The following FNDC3B variants were observed in gnomAD, a reference collection of about 807,000 sequenced individuals.
FNDC3B encodes fibronectin type III domain-containing protein 3B.
FNDC3B carries 12 observed loss-of-function variants against 151.5 expected under a neutral mutation model. The observed-to-expected ratio is 0.08, with a 90% CI of 0.05 to 0.13. The LOEUF is 0.13. Among genes scored for constraint, FNDC3B ranks in the 10% least tolerant of loss-of-function variants. FNDC3B has a pLI of 1.00. For missense variants in FNDC3B, 1,214 were observed against 1,505.3 expected, an observed-to-expected ratio of 0.81 and a Z score of 3.20; for synonymous variants, 528 against 549.0, an observed-to-expected ratio of 0.96 and a Z score of 0.54.
chr3:172,337,251 A>G (rs1168508181), intron 15 of FNDC3B, 79 bp from the exon 16 acceptor site: 5 of 986,148 alleles, frequency 5.1e-6, no homozygotes, highest in Admixed American at 3.9e-5. Context: ...ATGGTGTGTG[A>G]TTTTATGAGT....
At chr3:172,140,495 C>T (rs528255267) in intron 3 of FNDC3B, among the ~76,000 whole-genome samples, 10 of 152,286 alleles carry the variant, frequency 6.6e-5, no homozygotes, top group African/African-American at 2.2e-4. Context: ...TGGACTGATG[C>T]ACAGCTATTT....
At position 172,348,761 on chromosome 3, in the gene FNDC3B, T is replaced by G. The variant is rs376795466; in HGVS notation, c.2514+1400T>G. ...TCTTGCCTCGTTGTATTAACAGGAG[T>G]AGAAATATATTTTCAAAGGTCTGTG... On this transcript the variant is annotated intron_variant, in intron 21 of 25. Transcript: ENST00000415807. 2.3e-3 allele frequency among the ~76,000 whole-genome samples: 346 copies of G among 152,028 alleles called. 1 individual carries two copies. Among genetic ancestry groups the G allele is most frequent in the African/African-American group, 8.1e-3 (335 of 41,442 alleles).
intron 6 of FNDC3B, among the ~76,000 whole-genome samples, chr3:172,267,327 T>C (rs1332304298): frequency 6.6e-6 from 1 of 152,064 alleles, no homozygotes; most frequent in Non-Finnish European, 1.5e-5. Flanking sequence ...GGCTAATTTT[T>C]GTATTTTTTG....
chr3:172,244,327 T>C (rs1353703327), intron 4 of FNDC3B, among the ~76,000 whole-genome samples: 4 of 152,224 alleles, frequency 2.6e-5, no homozygotes, highest in African/African-American at 9.6e-5. Context: ...TCAGGTGTTT[T>C]GGACTGAATT....
chr3:172,064,020 A>G (rs751392528), intron 1 of FNDC3B, among the ~76,000 whole-genome samples: 2 of 152,186 alleles, frequency 1.3e-5, no homozygotes, highest in Non-Finnish European at 2.9e-5. Context: ...GTGCGAATCT[A>G]TAGTTCCAGC....
intron 3 of FNDC3B, among the ~76,000 whole-genome samples, chr3:172,149,789 C>T (rs191351642): frequency 4.1e-4 from 56 of 135,690 alleles, no homozygotes; most frequent in African/African-American, 1.4e-3. Flanking sequence ...CTTGTGTATA[C>T]CTTTTGTATG....
chr3:172,064,118 G>C (rs1256339811), intron 1 of FNDC3B, among the ~76,000 whole-genome samples: 1 of 152,080 alleles, frequency 6.6e-6, no homozygotes, highest in Admixed American at 6.5e-5. Context: ...CTCCAGCCTG[G>C]ACAACATAGC....
rs548482227 is a variant in FNDC3B, at chr3:172,120,994, G to T, written c.111+8404G>T. ...AAAAAACAACAACAACAACCCAGAA[G>T]ATATGTTAACACTGGGCTGGTCCTT... On this transcript the variant is annotated intron_variant, in intron 2 of 25. Coordinates refer to ENST00000415807, the MANE Select transcript of FNDC3B (RefSeq NM_022763.4). 2.6e-5 allele frequency among the ~76,000 whole-genome samples: 4 copies of T among 152,174 alleles called. No individual in the cohort carries two copies. The South Asian group carries it at 8.3e-4, about 32-fold the overall frequency.
At chr3:172,349,127 A>G (rs1249098117) in intron 21 of FNDC3B, among the ~76,000 whole-genome samples, 1 of 128,946 alleles carries the variant, frequency 7.8e-6, no homozygotes, top group Non-Finnish European at 1.6e-5. Context: ...CCTCCTCTAC[A>G]AAAAAAAAAA....
At chr3:172,044,047 T>G (rs1165444883) in intron 1 of FNDC3B, among the ~76,000 whole-genome samples, 1 of 152,234 alleles carries the variant, frequency 6.6e-6, no homozygotes, top group Non-Finnish European at 1.5e-5. Flanking sequence ...AGAATTAAAA[T>G]TATTCTTTTA....
At chr3:172,315,083 A>C (rs1215842487) in intron 11 of FNDC3B, among the ~76,000 whole-genome samples, 2 of 152,218 alleles carry the variant, frequency 1.3e-5, no homozygotes, top group African/African-American at 2.4e-5. Flanking sequence ...AGCAGCTAAA[A>C]ACGGAATTTA....
intron 11 of FNDC3B, among the ~76,000 whole-genome samples, chr3:172,317,516 G>A (rs1175242987): frequency 6.6e-6 from 1 of 152,130 alleles, no homozygotes; most frequent in Non-Finnish European, 1.5e-5. Flanking sequence ...AAACATGGGG[G>A]ACACATTCAA....
At chr3:172,321,765 AT>A (rs899162855) in intron 11 of FNDC3B, 14 of 189,474 alleles carry the variant, frequency 7.4e-5, no homozygotes, top group South Asian at 2.6e-4. Flanking sequence ...TTTTTTATAA[AT>A]TTTTTTTAGT....
intron 1 of FNDC3B, among the ~76,000 whole-genome samples, chr3:172,079,893 C>G (rs1020635664): frequency 4.7e-5 from 4 of 85,654 alleles, no homozygotes; most frequent in African/African-American, 1.6e-4. Flanking sequence ...GTCTTGGTAA[C>G]TGAAACCCTA....
At chr3:172,371,940 T>C (rs1734902136) in intron 23 of FNDC3B, among the ~76,000 whole-genome samples, 2 of 152,248 alleles carry the variant, frequency 1.3e-5, no homozygotes, top group Admixed American at 6.5e-5. Flanking sequence ...ATTTACATAG[T>C]ATTAAAAACA....
chr3:172,352,556 A>G lies in FNDC3B; in HGVS notation c.2515-247A>G. ...ACTGAAATAGGTCATGCAAATATAAAATATTATTTTTAAATTATTTGTCAT... is the reference window on the plus strand; with the variant it reads ...ACTGAAATAGGTCATGCAAATATAAGATATTATTTTTAAATTATTTGTCAT... On this transcript the variant is annotated intron_variant, in intron 21 of 25. Transcript: ENST00000415807. This position sits in a 1 kb window ranked among gnomAD's most constrained non-coding sequence, Gnocchi z 4.2. 6.6e-6 allele frequency among the ~76,000 whole-genome samples: 1 copy of G among 152,274 alleles called. No individual in the cohort carries two copies. Among genetic ancestry groups the G allele is most frequent in the Non-Finnish European group, 1.5e-5 (1 of 68,022 alleles).
At position 172,316,559 on chromosome 3, in the gene FNDC3B, CTT is replaced by C. The variant is rs761119209; in HGVS notation, c.1254+5682_1254+5683del. The C allele has an allele frequency of 4.1e-4, 155 of 380,622 alleles. 3 individuals carry two copies. Among genetic ancestry groups the C allele is most frequent in the South Asian group, 1.9e-3 (101 of 52,706 alleles). The allele number at this position is 380,622 out of a possible 1,614,324, so 23.6% of individuals were successfully genotyped here. ...GTGAATTTTAATGGGCAAATAAGAACTTTTTATTTTAGAAAAAATTAGTTACA... is the reference window on the plus strand; with the variant it reads ...GTGAATTTTAATGGGCAAATAAGAACTTTATTTTAGAAAAAATTAGTTACA... On this transcript the variant is annotated intron_variant, in intron 11 of 25. Transcript: ENST00000415807.
chr3:172,151,885 G>A (rs974893614), intron 3 of FNDC3B, among the ~76,000 whole-genome samples: 2 of 152,184 alleles, frequency 1.3e-5, no homozygotes, highest in Non-Finnish European at 2.9e-5. Context: ...CCAGGAACCT[G>A]TGGATGACGT....
chr3:172,186,884 C>G, intron 3 of FNDC3B: 1 of 553,826 alleles, frequency 1.8e-6, no homozygotes, highest in Non-Finnish European at 3.2e-6. Flanking sequence ...ACAGTCAGTT[C>G]TGTGACTTGA....
Sources: allele counts gnomAD v4.1 joint callset (sites outside exome capture counted in the v4.1 genomes callset), GRCh38; gene constraint gnomAD v4.1.1; non-coding constraint Gnocchi (gnomAD v3.1); transcripts MANE v1.5; gene names NCBI Gene and HGNC (gene_info 2026-07-23, HGNC 2026-07-21).